The following RGS6 variants were observed in gnomAD, a reference collection of about 807,000 sequenced individuals.
The protein encoded by RGS6 is regulator of G protein signaling 6, also known as regulator of G-protein signaling 6.
A neutral mutation model predicts 78.5 loss-of-function variants in RGS6; 30 were observed. That is an observed-to-expected ratio of 0.38 (90% CI 0.29 to 0.52). RGS6 has a LOEUF of 0.52. RGS6 is among the 20% of genes least tolerant of loss of function. The pLI is 0.85. For missense variants in RGS6, 495 were observed against 609.7 expected, an observed-to-expected ratio of 0.81 and a Z score of 1.98; for synonymous variants, 206 against 206.0, an observed-to-expected ratio of 1.00 and a Z score of 0.00.
At chr14:71,960,087 T>G (rs11627473) in intron 1 of RGS6, among the ~76,000 whole-genome samples, 27 of 152,176 alleles carry the variant, frequency 1.8e-4, no homozygotes, top group Non-Finnish European at 3.7e-4. Flanking sequence ...GGGCTGGCAT[T>G]ATAAAGTAAA....
chr14:72,455,867 G>T (rs950914454), intron 4 of RGS6, among the ~76,000 whole-genome samples: 1 of 152,168 alleles, frequency 6.6e-6, no homozygotes, highest in Non-Finnish European at 1.5e-5. Flanking sequence ...CTAAACTAAG[G>T]AACGTGTTTC....
At chr14:72,205,780 G>A (rs755149378) in intron 2 of RGS6, among the ~76,000 whole-genome samples, 1 of 152,192 alleles carries the variant, frequency 6.6e-6, no homozygotes, top group Non-Finnish European at 1.5e-5. Context: ...TTACTGATCA[G>A]TGTTTTCTAA....
intron 3 of RGS6, among the ~76,000 whole-genome samples, chr14:72,386,493 G>T (rs1416000048): frequency 6.6e-6 from 1 of 152,170 alleles, no homozygotes; most frequent in Non-Finnish European, 1.5e-5. Context: ...AGCCAAGATT[G>T]TGCCACTGCA....
Position 72,221,327 on chromosome 14 carries a change from G to A in RGS6, c.85-130768G>A, listed in dbSNP as rs142359569. Among the ~76,000 whole-genome samples, 3 of 152,240 alleles carry A rather than the reference G, an allele frequency of 2.0e-5. No homozygotes were observed. In the East Asian group the frequency reaches 5.8e-4, roughly 29 times the overall value. On this transcript the variant is annotated intron_variant, in intron 2 of 17. Coordinates refer to ENST00000553525, the MANE Select transcript of RGS6 (RefSeq NM_001204424.2). Reference sequence around the variant, plus strand: ...ATCTGTTTTTGCAATGGCTCTAGTAGAATACTACATTTCCCAAGCTTCCTA... The same window carrying A: ...ATCTGTTTTTGCAATGGCTCTAGTAAAATACTACATTTCCCAAGCTTCCTA...
chr14:72,426,760 G>A (rs1050760230), intron 3 of RGS6, among the ~76,000 whole-genome samples: 3 of 152,198 alleles, frequency 2.0e-5, no homozygotes, highest in African/African-American at 7.2e-5. Context: ...GCATGGGTTA[G>A]CAAGATTTTG....
chr14:72,094,986 T>A (rs1440993504), intron 2 of RGS6, among the ~76,000 whole-genome samples: 4 of 152,152 alleles, frequency 2.6e-5, no homozygotes, highest in African/African-American at 9.7e-5. Context: ...ATGCTCTTTC[T>A]TCTGATGTTT....
At chr14:72,400,120 G>A (rs2092182341) in intron 3 of RGS6, among the ~76,000 whole-genome samples, 1 of 152,178 alleles carries the variant, frequency 6.6e-6, no homozygotes, top group Non-Finnish European at 1.5e-5. Context: ...AGGAAAAAAT[G>A]TTAAGGCAGC....
chr14:72,361,710 G>T (rs2081491640), intron 3 of RGS6, among the ~76,000 whole-genome samples: 2 of 152,130 alleles, frequency 1.3e-5, no homozygotes, highest in African/African-American at 2.4e-5. Context: ...TAGAGAAGGT[G>T]GTTGTGAGTT....
chr14:71,900,836 G>A, the RGS6 span, among the ~76,000 whole-genome samples: 1 of 152,096 alleles, frequency 6.6e-6, no homozygotes. Flanking sequence ...ATCTGCTTCT[G>A]GTGAGGGCCT....
chr14:72,249,430 G>A (rs2055063044), intron 2 of RGS6, among the ~76,000 whole-genome samples: 1 of 152,136 alleles, frequency 6.6e-6, no homozygotes, highest in Non-Finnish European at 1.5e-5. Context: ...TGTTACAAAA[G>A]GGTAACTTTT....
chr14:71,881,832 T>C, the RGS6 span, among the ~76,000 whole-genome samples: 2 of 152,152 alleles, frequency 1.3e-5, no homozygotes, highest in African/African-American at 4.8e-5. Flanking sequence ...AATTGGACAG[T>C]ATGTCTTTCT....
chr14:72,173,753 C>T (rs759824936), intron 2 of RGS6, among the ~76,000 whole-genome samples: 16 of 152,084 alleles, frequency 1.1e-4, no homozygotes, highest in Middle Eastern at 3.2e-3. Flanking sequence ...GGAACCTTCC[C>T]GTCCCCTCCT....
chr14:71,900,976 A>C, the RGS6 span, among the ~76,000 whole-genome samples: 1 of 152,278 alleles, frequency 6.6e-6, no homozygotes, highest in East Asian at 1.9e-4. Context: ...GAACTAACTG[A>C]GCAAGAACTC....
intron 3 of RGS6, among the ~76,000 whole-genome samples, chr14:72,363,923 C>G (rs1324598543): frequency 7.5e-6 from 1 of 133,980 alleles, no homozygotes; most frequent in African/African-American, 2.9e-5. Context: ...ACTCAAGAAT[C>G]TGAAAAACAA....
intron 3 of RGS6, among the ~76,000 whole-genome samples, chr14:72,410,681 G>C (rs559721364): frequency 7.2e-5 from 11 of 152,072 alleles, no homozygotes; most frequent in East Asian, 1.9e-4. Flanking sequence ...AGGTTTTCTT[G>C]TAGGGTTTTT....
chr14:72,041,950 C>T (rs1463868833), intron 2 of RGS6, among the ~76,000 whole-genome samples: 2 of 151,966 alleles, frequency 1.3e-5, no homozygotes, highest in African/African-American at 2.4e-5. Flanking sequence ...GTTTCTATCA[C>T]TAATGATAGA....
chr14:72,257,850 A>G (rs1328427437), intron 2 of RGS6, among the ~76,000 whole-genome samples: 1 of 152,208 alleles, frequency 6.6e-6, no homozygotes, highest in East Asian at 1.9e-4. Flanking sequence ...CTGGAGTTCC[A>G]TGAAGTCAAT....
At chr14:72,221,881 C>G (rs988452574) in intron 2 of RGS6, among the ~76,000 whole-genome samples, 2 of 152,130 alleles carry the variant, frequency 1.3e-5, no homozygotes, top group Non-Finnish European at 2.9e-5. Flanking sequence ...CCCATTAACC[C>G]CACTTGTTTG....
At chr14:72,596,770 G>C in the RGS6 span, among the ~76,000 whole-genome samples, 1 of 152,066 alleles carries the variant, frequency 6.6e-6, no homozygotes, top group Admixed American at 6.6e-5. Flanking sequence ...AGCTTCATGA[G>C]AGTCCTGTTA....
Sources: allele counts gnomAD v4.1 joint callset (sites outside exome capture counted in the v4.1 genomes callset), GRCh38; gene constraint gnomAD v4.1.1; transcripts MANE v1.5; gene names NCBI Gene and HGNC (gene_info 2026-07-23, HGNC 2026-07-21).